CD276: variants seen among roughly 807,000 people sequenced by gnomAD.
CD276 encodes CD276 molecule, also known as CD276 antigen.
In CD276, 34 loss-of-function variants were observed where a neutral mutation model predicts 50.0. That is an observed-to-expected ratio of 0.68 (90% CI 0.52 to 0.91). CD276 has a LOEUF of 0.91. Among genes scored for constraint, CD276 ranks in the 40% least tolerant of loss-of-function variants. The pLI, the probability that CD276 is intolerant of heterozygous loss-of-function variation, is 0.00. For missense variants in CD276, 634 were observed against 717.5 expected (o/e 0.88, Z 1.33); for synonymous variants, 275 against 313.0 (o/e 0.88, Z 1.28).
Position 73,704,950 on chromosome 15 carries a change from C to G in CD276, c.1369+478C>G, listed in dbSNP as rs977530204. On this transcript the variant is annotated intron_variant, in intron 6 of 9. Transcript: ENST00000318443. The surrounding 1 kb of genome is among the most constrained non-coding windows in gnomAD (Gnocchi z 4.1). ...CTTCTTCCTGCAGACTTGCGCTCCA[C>G]CCAGGCAGCCGTTGGATGGGCAGGG... 1.3e-5 allele frequency among the ~76,000 whole-genome samples: 2 copies of G among 152,216 alleles called. No individual in the cohort carries two copies. Among genetic ancestry groups the G allele is most frequent in the African/African-American group, 4.8e-5 (2 of 41,448 alleles).
chr15:73,702,373 C>G lies in CD276; in HGVS notation c.198C>G (p.Ile66Met), dbSNP rs1475271856. Reference sequence around the variant, plus strand: ...TCAGCCTGGCACAGCTCAACCTCATCTGGCAGCTGACAGATACCAAACAGC... The same window carrying G: ...TCAGCCTGGCACAGCTCAACCTCATGTGGCAGCTGACAGATACCAAACAGC... ...PGFSLAQLNL[I>M]WQLTDTKQLV... The change falls in exon 3 of 10, where the codon ATC becomes ATG. Residue 66 changes from isoleucine to methionine, a missense_variant. Physicochemically the swap from Ile to Met is conservative, Grantham distance 10. Transcript: ENST00000318443. 1.2e-6 allele frequency: 2 copies of G among 1,613,646 alleles called. No homozygotes were observed. The highest frequency in any genetic ancestry group is 2.7e-5 in the African/African-American group (2 of 74,944).
chr15:73,694,755 A>T (rs1900116973), intron 1 of CD276, among the ~76,000 whole-genome samples: 1 of 152,226 alleles, frequency 6.6e-6, no homozygotes, highest in Non-Finnish European at 1.5e-5. Flanking sequence ...ATCAGTGTAC[A>T]CATTGCATGG....
At chr15:73,698,715 C>T (rs1900265238) in intron 1 of CD276, among the ~76,000 whole-genome samples, 1 of 152,118 alleles carries the variant, frequency 6.6e-6, no homozygotes, top group South Asian at 2.1e-4. Flanking sequence ...TGCCCACCAC[C>T]ATGCCCAGCT....
intron 7 of CD276, 77 bp downstream of exon 7, chr15:73,708,550 TAG>T (rs751929224): frequency 8.0e-5 from 119 of 1,492,246 alleles, no homozygotes; most frequent in Admixed American, 3.8e-4. Context: ...TTGATGTCAA[TAG>T]AGTGTCACTT....
chr15:73,708,634 T>C (rs1900752260), intron 7 of CD276, 161 bp downstream of exon 7: 1 of 782,628 alleles, frequency 1.3e-6, no homozygotes, highest in Non-Finnish European at 2.0e-6. Context: ...AGTCTACGTC[T>C]TGTGTGTGTG....
intron 7 of CD276, chr15:73,708,722 G>A: frequency 3.8e-6 from 2 of 528,956 alleles, no homozygotes; most frequent in Non-Finnish European, 6.8e-6. Context: ...GGTGGTGGGA[G>A]TGTAAGGCCA....
At chr15:73,709,738 G>T (rs1900818768) in intron 8 of CD276, 49 bp downstream of exon 8, 1 of 1,578,364 alleles carries the variant, frequency 6.3e-7, no homozygotes, top group Admixed American at 1.8e-5. Context: ...AGGGACATAT[G>T]GGAAAGGAGA....
At chr15:73,695,659 C>T (rs949750643) in intron 1 of CD276, among the ~76,000 whole-genome samples, 2 of 152,124 alleles carry the variant, frequency 1.3e-5, no homozygotes, top group Admixed American at 6.5e-5. Flanking sequence ...AGGACTCCTT[C>T]GGTTGCAGAC....
intron 6 of CD276, among the ~76,000 whole-genome samples, chr15:73,705,160 C>T (rs1355227862): frequency 6.6e-6 from 1 of 152,238 alleles, no homozygotes; most frequent in East Asian, 1.9e-4. Context: ...TGGTCAGTCA[C>T]TTCCTGGGCC....
intron 8 of CD276, among the ~76,000 whole-genome samples, chr15:73,710,182 C>T (rs1900836320): frequency 6.6e-6 from 1 of 152,232 alleles, no homozygotes; most frequent in Non-Finnish European, 1.5e-5. Context: ...AGTATCATAT[C>T]TAGTGCCAAG....
Position 73,711,139 on chromosome 15 carries a change from G to T in CD276, c.1551G>T (p.Leu517=). The change falls in exon 9 of 10, where the codon CTG becomes CTT. Residue 517 remains leucine (L), a synonymous_variant. Coordinates refer to ENST00000318443, the MANE Select transcript of CD276 (RefSeq NM_001024736.2). ...DGEGEGSKTA[L]QPLKHSDSKE... ...TGCGCCTTCCTTTTTTTACAGCCCTGCAGCCTCTGAAACACTCTGACAGCA... is the reference window on the plus strand; with the variant it reads ...TGCGCCTTCCTTTTTTTACAGCCCTTCAGCCTCTGAAACACTCTGACAGCA... The T allele has an allele frequency of 6.2e-7, 1 of 1,613,906 alleles. No individual in the cohort carries two copies. The highest frequency in any genetic ancestry group is 8.5e-7 in the Non-Finnish European group (1 of 1,179,998).
chr15:73,704,112 C>T lies in CD276; in HGVS notation c.1073-64C>T. On this transcript the variant is annotated intron_variant, in intron 5 of 9. Transcript: ENST00000318443. The surrounding 1 kb of genome is among the most constrained non-coding windows in gnomAD (Gnocchi z 4.1). ...CCAGTGCTGATTCCTGTACTCAGCC[C>T]CATGCATCCTTTTCCTCCCCTGCCA... 6.3e-7 allele frequency: 1 copy of T among 1,577,654 alleles called. No homozygotes were observed. The highest frequency in any genetic ancestry group is 1.3e-5 in the African/African-American group (1 of 74,232).
intron 7 of CD276, 178 bp from the exon 8 acceptor site, chr15:73,709,470 C>A: frequency 1.6e-6 from 1 of 631,860 alleles, no homozygotes. Context: ...CATGTTGTCA[C>A]AGGCTCGGCT....
chr15:73,699,437 TC>T (rs1281772210), intron 1 of CD276, 148 bp from the exon 2 acceptor site: 2 of 1,062,104 alleles, frequency 1.9e-6, no homozygotes, highest in Non-Finnish European at 2.7e-6. Flanking sequence ...TCACCAAGAT[TC>T]CTCAGCAGGG....
chr15:73,702,828 G>T lies in CD276; in HGVS notation c.475G>T (p.Asp159Tyr), dbSNP rs778585812. The T allele has an allele frequency of 1.2e-6, 2 of 1,614,126 alleles. No homozygotes were observed. The highest frequency in any genetic ancestry group is 1.1e-5 in the South Asian group (1 of 91,078). Residue 159 changes from aspartate (D) to tyrosine (Y), a missense_variant, in exon 4 of 10, where the codon GAC becomes TAC. Asp to Tyr is a radical substitution (Grantham distance 160). Coordinates refer to ENST00000318443, the MANE Select transcript of CD276 (RefSeq NM_001024736.2). Reference protein sequence around the residue: ...LEPNKDLRPGDTVTITCSSYQ... With the variant: ...LEPNKDLRPGYTVTITCSSYQ... ...GCCCAACAAGGACCTGCGGCCAGGG[G>T]ACACGGTGACCATCACGTGCTCCAG...
At position 73,704,197 on chromosome 15, in the gene CD276, T is replaced by C. The variant is rs1418452567; in HGVS notation, c.1094T>C (p.Met365Thr). Residue 365 changes from methionine to threonine, a missense_variant, in exon 6 of 10, where the codon ATG (methionine) becomes ACG (threonine). By Grantham distance (81) the Met-to-Thr change is moderately conservative. Transcript: ENST00000318443. This position sits in a 1 kb window ranked among gnomAD's most constrained non-coding sequence, Gnocchi z 4.1. ...QVAAPYSKPS[M>T]TLEPNKDLRP... ...CCAGCTCCCTACTCGAAGCCCAGCA[T>C]GACCCTGGAGCCCAACAAGGACCTG... 6.2e-7 allele frequency: 1 copy of C among 1,613,500 alleles called. No homozygotes were observed. The highest frequency in any genetic ancestry group is 2.2e-5 in the East Asian group (1 of 44,870).
At position 73,713,057 on chromosome 15, in the gene CD276, C is replaced by T; in HGVS notation, c.*101C>T. On this transcript the variant is annotated 3_prime_UTR_variant, in exon 10 of 10. Coordinates refer to ENST00000318443, the MANE Select transcript of CD276 (RefSeq NM_001024736.2). ...CTGCCCCCAACAGATGCATCCTGCT[C>T]TGACAGGTGGGCTCCTTCTCCAAAG... 9.2e-7 allele frequency: 1 copy of T among 1,085,952 alleles called. No individual in the cohort carries two copies. Among genetic ancestry groups the T allele is most frequent in the Non-Finnish European group, 1.4e-6 (1 of 734,328 alleles). The allele number at this position is 1,085,952 out of a possible 1,614,324, so 67.3% of individuals were successfully genotyped here. A position where few individuals can be genotyped will look rare whatever the true frequency, so the allele number is the denominator to read the frequency against.
intron 6 of CD276, 118 bp from the exon 7 acceptor site, chr15:73,708,221 C>A (rs539251814): frequency 9.2e-7 from 1 of 1,081,600 alleles, no homozygotes; most frequent in Non-Finnish European, 1.3e-6. Flanking sequence ...GAGCTTTATT[C>A]ATAGTGTTAG....
chr15:73,706,146 A>G (rs1397997721), intron 6 of CD276, among the ~76,000 whole-genome samples: 1 of 152,182 alleles, frequency 6.6e-6, no homozygotes, highest in Non-Finnish European at 1.5e-5. Context: ...GCTACTTGGG[A>G]GGCTGGGGCA....
Sources: allele counts gnomAD v4.1 joint callset (sites outside exome capture counted in the v4.1 genomes callset), GRCh38; gene constraint gnomAD v4.1.1; non-coding constraint Gnocchi (gnomAD v3.1); transcripts MANE v1.5; gene names NCBI Gene and HGNC (gene_info 2026-07-23, HGNC 2026-07-21).